IQSEC1: variants seen among roughly 807,000 people sequenced by gnomAD.
The protein encoded by IQSEC1 is IQ motif and Sec7 domain ArfGEF 1, also known as IQ motif and SEC7 domain-containing protein 1.
A neutral mutation model predicts 91.0 loss-of-function variants in IQSEC1; 31 were observed. The observed-to-expected ratio is 0.34, with a 90% CI of 0.26 to 0.46. The LOEUF (loss-of-function observed/expected upper bound fraction) is 0.46, where lower values mean the gene tolerates loss of function less well. IQSEC1 is among the 20% of genes least tolerant of loss of function. The pLI is 1.00. For missense variants in IQSEC1, 1,388 were observed against 1,575.6 expected, an observed-to-expected ratio of 0.88 and a Z score of 2.02; for synonymous variants, 699 against 662.6, an observed-to-expected ratio of 1.05 and a Z score of -0.84.
At chr3:13,245,419 G>A (rs185564588) in intron 1 of IQSEC1, among the ~76,000 whole-genome samples, 1 of 152,132 alleles carries the variant, frequency 6.6e-6, no homozygotes, top group Admixed American at 6.5e-5. Flanking sequence ...TTCAAGGGGT[G>A]GAAAAAAGGG....
chr3:13,222,500 A>T (rs899422624), intron 1 of IQSEC1, among the ~76,000 whole-genome samples: 1 of 152,102 alleles, frequency 6.6e-6, no homozygotes, highest in Admixed American at 6.5e-5. Flanking sequence ...GGATTGCCGG[A>T]TCATATGGGA....
At chr3:13,121,986 C>T (rs1303112754) in intron 2 of IQSEC1, among the ~76,000 whole-genome samples, 3 of 152,238 alleles carry the variant, frequency 2.0e-5, no homozygotes, top group East Asian at 3.8e-4. Flanking sequence ...TAGTTCAGGT[C>T]GGCCAGGCGC....
At chr3:13,256,602 C>T (rs1419705527) in intron 1 of IQSEC1, among the ~76,000 whole-genome samples, 1 of 152,168 alleles carries the variant, frequency 6.6e-6, no homozygotes, top group Non-Finnish European at 1.5e-5. Flanking sequence ...TCACCAACCC[C>T]AAAGCAGCCT....
chr3:13,103,193 C>A lies in IQSEC1; in HGVS notation c.303-55671G>T, dbSNP rs149660271. Among the ~76,000 whole-genome samples the A allele has an allele frequency of 2.7e-3, 410 of 152,214 alleles. 1 individual carries two copies. The highest frequency in any genetic ancestry group is 5.0e-3 in the Non-Finnish European group (340 of 68,004). ...GTCAGTTCAGGGAAGGGGCCTGCAT[C>A]GAACTCTCGCCACCTCCCTAAGCCA... On this transcript the variant is annotated intron_variant, in intron 2 of 15. Coordinates refer to the IQSEC1 transcript ENST00000648114. The surrounding 1 kb of genome is among the most constrained non-coding windows in gnomAD (Gnocchi z 4.1).
intron 1 of IQSEC1, among the ~76,000 whole-genome samples, chr3:13,266,166 G>A (rs1374359090): frequency 3.9e-5 from 6 of 152,172 alleles, no homozygotes; most frequent in Non-Finnish European, 8.8e-5. Context: ...CTCCCCCGGA[G>A]CTCAGAATGG....
At chr3:13,147,675 C>G (rs1010370150) in intron 2 of IQSEC1, among the ~76,000 whole-genome samples, 2 of 152,198 alleles carry the variant, frequency 1.3e-5, no homozygotes, top group Non-Finnish European at 1.5e-5. Flanking sequence ...CTCTATTGCC[C>G]AGGCTGGAGT....
Position 13,207,187 on chromosome 3 carries a change from C to T in IQSEC1, c.273-43054G>A, listed in dbSNP as rs140993571. ...TCCTTGTCACCTGATGTCTAACAAGCGTCTCTGGCTGAACACACCCAGACC... is the reference window on the plus strand; with the variant it reads ...TCCTTGTCACCTGATGTCTAACAAGTGTCTCTGGCTGAACACACCCAGACC... On this transcript the variant is annotated intron_variant, in intron 1 of 15. Transcript: ENST00000648114. This position sits in a 1 kb window ranked among gnomAD's most constrained non-coding sequence, Gnocchi z 4.8. Among the ~76,000 whole-genome samples, 5 of 152,252 alleles carry T rather than the reference C, an allele frequency of 3.3e-5. No homozygotes were observed. The highest frequency in any genetic ancestry group is 5.9e-5 in the Non-Finnish European group (4 of 68,016).
chr3:13,277,220 CA>C (rs1445836762), intron 1 of IQSEC1, among the ~76,000 whole-genome samples: 1 of 149,516 alleles, frequency 6.7e-6, no homozygotes, highest in Non-Finnish European at 1.5e-5. Flanking sequence ...ACCCAGCTGG[CA>C]AAAAACGCTG....
chr3:13,196,749 CGT>C (rs5846802), intron 1 of IQSEC1, among the ~76,000 whole-genome samples: 5,463 of 148,354 alleles, frequency 0.037, 140 homozygotes, highest in Middle Eastern at 0.052. Context: ...CATGTGTGTG[CGT>C]GTGTGTGTGT....
At chr3:12,951,862 G>A (rs1490907592) in intron 1 of IQSEC1, among the ~76,000 whole-genome samples, 1 of 152,164 alleles carries the variant, frequency 6.6e-6, no homozygotes, top group Non-Finnish European at 1.5e-5. Flanking sequence ...GAGCCCTGGA[G>A]GAGCACACGT....
At chr3:12,902,669 C>CAAAAAAAAAA in intron 13 of IQSEC1, 104 bp downstream of exon 13, 1 of 328,162 alleles carries the variant, frequency 3.0e-6, no homozygotes, top group African/African-American at 6.8e-5. Flanking sequence ...AAAAAAAAAA[C>CAAAAAAAAAA]CAAAAAAAAA....
chr3:13,111,799 G>A (rs149311513), intron 2 of IQSEC1, among the ~76,000 whole-genome samples: 108 of 152,264 alleles, frequency 7.1e-4, no homozygotes, highest in Admixed American at 2.4e-3. Context: ...AAAGGCACTC[G>A]CCAGGAACCC....
At position 12,901,161 on chromosome 3, in the gene IQSEC1, T is replaced by G; in HGVS notation, c.3167A>C (p.His1056Pro). The change falls in exon 14 of 14, where the codon CAC (histidine) becomes CCC (proline). Residue 1056 changes from histidine (H) to proline (P), a missense_variant. Physicochemically the swap from His to Pro is moderately conservative, Grantham distance 77. This residue lies in a region of IQSEC1 where 329 missense variants were observed against 257.8 expected (regional missense o/e 1.28). Transcript: ENST00000613206. ...CCCATGGGGGCCGTGGTGGTACTGG[T>G]GTGCGTGCTGGATGTGCTGGGGTGG... Reference protein sequence around the residue: ...HHPPQHIQHAHQYHHGPHGGH... With the variant: ...HHPPQHIQHAPQYHHGPHGGH... The G allele has an allele frequency of 6.5e-7, 1 of 1,542,946 alleles. No individual in the cohort carries two copies. The highest frequency in any genetic ancestry group is 8.7e-7 in the Non-Finnish European group (1 of 1,144,282).
intron 2 of IQSEC1, among the ~76,000 whole-genome samples, chr3:13,153,856 G>T (rs561584012): frequency 5.3e-5 from 8 of 152,160 alleles, no homozygotes; most frequent in African/African-American, 1.9e-4. Context: ...TTGGCTGGGT[G>T]GCTGGTATTC....
At chr3:12,989,464 C>T (rs112023192) in intron 1 of IQSEC1, among the ~76,000 whole-genome samples, 2 of 152,198 alleles carry the variant, frequency 1.3e-5, no homozygotes, top group African/African-American at 2.4e-5. Context: ...ACCATCATCA[C>T]CCCATTTTAA....
chr3:13,258,838 G>A (rs993037481), intron 1 of IQSEC1, among the ~76,000 whole-genome samples: 1 of 152,082 alleles, frequency 6.6e-6, no homozygotes, highest in African/African-American at 2.4e-5. Flanking sequence ...ACCCCACAGG[G>A]GCTGGCACCA....
chr3:13,259,327 C>G lies in IQSEC1; in HGVS notation c.272+23384G>C, dbSNP rs1695343109. ...GCACAGATGTTATCATCTGTATTCT[C>G]TAAGTGCAGAAACCAAGGCACAGCC... On this transcript the variant is annotated intron_variant, in intron 1 of 15. Coordinates refer to the IQSEC1 transcript ENST00000648114. This position sits in a 1 kb window ranked among gnomAD's most constrained non-coding sequence, Gnocchi z 4.6. Among the ~76,000 whole-genome samples, 2 of 152,198 alleles carry G rather than the reference C, an allele frequency of 1.3e-5. No individual in the cohort carries two copies. The highest frequency in any genetic ancestry group is 4.1e-4 in the South Asian group (2 of 4,828).
intron 1 of IQSEC1, among the ~76,000 whole-genome samples, chr3:13,180,680 G>A (rs964901382): frequency 6.3e-4 from 95 of 150,990 alleles, no homozygotes; most frequent in South Asian, 2.1e-3. Context: ...CACTCACTGC[G>A]AAGGTCTGCA....
At position 12,900,265 on chromosome 3, in the gene IQSEC1, A is replaced by T. The variant is rs746002100; in HGVS notation, c.*718T>A. ...GTGTAAAGATTTTAGCCAGTCCTAG[A>T]GGGACTTCTTTGTATGAAAATATGA... is the stretch of plus-strand genomic sequence containing the variant. On this transcript the variant is annotated 3_prime_UTR_variant, in exon 14 of 14. Transcript: ENST00000613206. The T allele has an allele frequency of 2.1e-4, 202 of 984,992 alleles. No homozygotes were observed. Among genetic ancestry groups the T allele is most frequent in the Non-Finnish European group, 2.2e-4 (180 of 829,658 alleles). 61.0% of individuals were successfully genotyped at this position (984,992 alleles called of 1,614,324 possible). A position where few individuals can be genotyped will look rare whatever the true frequency, so the allele number is the denominator to read the frequency against.
Sources: allele counts gnomAD v4.1 joint callset (sites outside exome capture counted in the v4.1 genomes callset), GRCh38; gene constraint gnomAD v4.1.1; regional missense constraint gnomAD v4.1.1; non-coding constraint Gnocchi (gnomAD v3.1); transcripts MANE v1.5; gene names NCBI Gene and HGNC (gene_info 2026-07-23, HGNC 2026-07-21).